Variants in SLC36A1 observed in about 807,000 individuals in gnomAD.
SLC36A1 encodes the protein solute carrier family 36 member 1.
A neutral mutation model predicts 47.5 loss-of-function variants in SLC36A1; 30 were observed. The ratio of observed to expected loss-of-function variants is 0.63; its 90% confidence interval spans 0.47 to 0.86. The LOEUF (loss-of-function observed/expected upper bound fraction) is 0.86. SLC36A1 is among the 40% of genes least tolerant of loss of function. The pLI, the probability that SLC36A1 is intolerant of heterozygous loss-of-function variation, is 0.00. For synonymous variants in SLC36A1, 255 were observed against 249.7 expected, an observed-to-expected ratio of 1.02 and a Z score of -0.20; for missense variants, 517 against 606.0, an observed-to-expected ratio of 0.85 and a Z score of 1.54.
At chr5:151,543,955 A>G in the SLC36A1 span, 5 of 1,614,158 alleles carry the variant, frequency 3.1e-6, no homozygotes, top group Non-Finnish European at 4.2e-6. Context: ...ACAGGTTGCC[A>G]GTTCACTGAC....
At chr5:151,396,731 T>C in the SLC36A1 span, among the ~76,000 whole-genome samples, 1 of 152,220 alleles carries the variant, frequency 6.6e-6, no homozygotes, top group Non-Finnish European at 1.5e-5. Context: ...AGTGAGTCTC[T>C]TCTATGTGAC....
chr5:151,419,234 C>A, the SLC36A1 span, among the ~76,000 whole-genome samples: 1 of 152,240 alleles, frequency 6.6e-6, no homozygotes, highest in South Asian at 2.1e-4. Context: ...AGGAGTTGAC[C>A]ATATTTCGAT....
the SLC36A1 span, among the ~76,000 whole-genome samples, chr5:151,355,813 A>G: frequency 6.6e-6 from 1 of 152,236 alleles, no homozygotes; most frequent in Non-Finnish European, 1.5e-5. Flanking sequence ...TACATCTCCA[A>G]CTGCAAGAAC....
intron 2 of SLC36A1, among the ~76,000 whole-genome samples, chr5:151,459,306 C>G (rs1162980484): frequency 1.3e-4 from 20 of 152,142 alleles, no homozygotes; most frequent in Admixed American, 1.3e-3. Flanking sequence ...GAATTCTGCC[C>G]CATCACCAAA....
the SLC36A1 span, among the ~76,000 whole-genome samples, chr5:151,407,272 C>T: frequency 8.5e-5 from 13 of 152,378 alleles, no homozygotes; most frequent in Admixed American, 2.6e-4. Context: ...GCCCTACCCA[C>T]GTCCTGCTGA....
chr5:151,381,828 C>T, the SLC36A1 span, among the ~76,000 whole-genome samples: 1 of 152,172 alleles, frequency 6.6e-6, no homozygotes, highest in East Asian at 1.9e-4. Context: ...TAAAAACTGC[C>T]CCTAAATGCC....
the SLC36A1 span, among the ~76,000 whole-genome samples, chr5:151,519,005 G>C: frequency 6.6e-6 from 1 of 152,162 alleles, no homozygotes; most frequent in East Asian, 1.9e-4. Flanking sequence ...GCCAAAAGGA[G>C]GAGAAGAAAG....
chr5:151,545,186 A>G, the SLC36A1 span: 6 of 1,614,202 alleles, frequency 3.7e-6, no homozygotes, highest in African/African-American at 1.3e-5. Context: ...CTGTCCTGCA[A>G]GTTCTCCTTC....
At chr5:151,401,643 G>A in the SLC36A1 span, among the ~76,000 whole-genome samples, 784 of 151,888 alleles carry the variant, frequency 5.2e-3, 9 homozygotes, top group African/African-American at 0.018. Context: ...CTTTAAATCT[G>A]TGAGCATAGA....
chr5:151,455,800 A>G (rs1448600904), intron 1 of SLC36A1, among the ~76,000 whole-genome samples: 1 of 152,210 alleles, frequency 6.6e-6, no homozygotes, highest in African/African-American at 2.4e-5. Flanking sequence ...TCTTAAAGGC[A>G]AAAGCGAACA....
chr5:151,421,174 CTCCTTCCTTCCT>C, the SLC36A1 span, among the ~76,000 whole-genome samples: 416 of 138,876 alleles, frequency 3.0e-3, no homozygotes, highest in Non-Finnish European at 4.6e-3. Flanking sequence ...CGCCCTTTCT[CTCCTTCCTTCCT>C]TCCTTCCTTC....
the SLC36A1 span, among the ~76,000 whole-genome samples, chr5:151,422,614 GCTA>G: frequency 4.6e-4 from 70 of 152,260 alleles, no homozygotes; most frequent in East Asian, 9.6e-4. Flanking sequence ...TGTAGTCCCA[GCTA>G]CTTGGGAGGC....
chr5:151,481,001 C>T (rs1005938812), intron 10 of SLC36A1, among the ~76,000 whole-genome samples: 6 of 152,230 alleles, frequency 3.9e-5, no homozygotes, highest in African/African-American at 1.4e-4. Context: ...TGACTCCTCT[C>T]CCTGCCCAAT....
intron 1 of SLC36A1, among the ~76,000 whole-genome samples, chr5:151,458,538 A>G (rs1044270047): frequency 1.3e-5 from 2 of 152,030 alleles, no homozygotes; most frequent in Admixed American, 6.5e-5. Context: ...AAATTAAGAA[A>G]TTTATGAGTG....
the SLC36A1 span, among the ~76,000 whole-genome samples, chr5:151,405,401 A>C: frequency 1.4e-5 from 2 of 139,744 alleles, no homozygotes; most frequent in African/African-American, 5.5e-5. Context: ...CCAGGCTGGA[A>C]TACAATGGCG....
At chr5:151,529,226 A>G in the SLC36A1 span, 2 of 1,614,080 alleles carry the variant, frequency 1.2e-6, no homozygotes, top group Non-Finnish European at 1.7e-6. Flanking sequence ...CCCTTGTGCT[A>G]TATGGATCTT....
chr5:151,435,759 G>A (rs937659131), upstream of SLC36A1, among the ~76,000 whole-genome samples: 10 of 150,746 alleles, frequency 6.6e-5, no homozygotes, highest in African/African-American at 1.2e-4. Flanking sequence ...AAGAAACTCA[G>A]TAAAGGAGAA....
the SLC36A1 span, among the ~76,000 whole-genome samples, chr5:151,416,733 A>G: frequency 6.6e-6 from 1 of 152,232 alleles, no homozygotes; most frequent in African/African-American, 2.4e-5. Context: ...CACACTCAGG[A>G]TAATCCAGGA....
the SLC36A1 span, among the ~76,000 whole-genome samples, chr5:151,354,241 G>A: frequency 6.6e-6 from 1 of 152,094 alleles, no homozygotes; most frequent in South Asian, 2.1e-4. Flanking sequence ...GAGGTGGAGG[G>A]TGCAGTGAGC....
Sources: gnomAD v4.1 joint callset for allele counts (sites outside exome capture counted in the v4.1 genomes callset) on GRCh38, gnomAD v4.1.1 for gene constraint, MANE v1.5 for transcripts, NCBI Gene and HGNC (gene_info 2026-07-23, HGNC 2026-07-21) for gene names.